CHST9: variants seen among roughly 807,000 people sequenced by gnomAD.
CHST9 encodes the protein carbohydrate sulfotransferase 9.
CHST9 carries 41 observed loss-of-function variants against 44.4 expected under a neutral mutation model. The ratio of observed to expected loss-of-function variants is 0.92; its 90% CI spans 0.72 to 1.20. The LOEUF (loss-of-function observed/expected upper bound fraction) is 1.20. Among genes scored for constraint, CHST9 ranks in the 50% most tolerant of loss-of-function variants. The pLI is 0.00. For synonymous variants in CHST9, 171 were observed against 178.4 expected (o/e 0.96, Z 0.33); for missense variants, 504 against 516.5 (o/e 0.98, Z 0.23).
chr18:26,911,194 T>C lies in CHST9; in HGVS notation c.*5065A>G, dbSNP rs1311459896. On this transcript the variant is annotated 3_prime_UTR_variant, in exon 6 of 6. Coordinates refer to ENST00000618847, the MANE Select transcript of CHST9 (RefSeq NM_031422.6). ...CTAAAAGAAGTTGTACAGGAACCTT[T>C]AAACAACAGCATCAAAAGCATCTGT... 6.6e-6 allele frequency: 1 copy of C among 152,200 alleles called. No individual in the cohort carries two copies. Among genetic ancestry groups the C allele is most frequent in the East Asian group, 1.9e-4 (1 of 5,194 alleles). 9.4% of individuals were successfully genotyped at this position (152,200 alleles called of 1,614,324 possible).
At chr18:27,166,124 G>A (rs991556655) in intron 1 of CHST9, among the ~76,000 whole-genome samples, 3 of 151,550 alleles carry the variant, frequency 2.0e-5, no homozygotes, top group African/African-American at 7.3e-5. Context: ...TCTCTGCTTC[G>A]TCCTCCAAAA....
At chr18:27,046,644 G>A (rs2057503824) in intron 3 of CHST9, among the ~76,000 whole-genome samples, 2 of 152,018 alleles carry the variant, frequency 1.3e-5, no homozygotes, top group Admixed American at 6.6e-5. Flanking sequence ...ATTCAGGCCA[G>A]TACCACAGAC....
At chr18:27,080,841 C>G (rs1311419358) in intron 2 of CHST9, among the ~76,000 whole-genome samples, 1 of 152,166 alleles carries the variant, frequency 6.6e-6, no homozygotes, top group Non-Finnish European at 1.5e-5. Flanking sequence ...CATAAATACC[C>G]AAGGGAATGG....
chr18:27,086,239 G>C (rs1039185317), intron 2 of CHST9, among the ~76,000 whole-genome samples: 2 of 152,076 alleles, frequency 1.3e-5, no homozygotes, highest in African/African-American at 4.8e-5. Context: ...TAACAAACCT[G>C]CACATGTAAC....
chr18:27,154,048 C>G (rs1368571429), intron 1 of CHST9, among the ~76,000 whole-genome samples: 1 of 152,250 alleles, frequency 6.6e-6, no homozygotes, highest in East Asian at 1.9e-4. Context: ...TGGACCCCAA[C>G]TAGACCCACC....
At chr18:27,139,906 A>G (rs1193773459) in intron 2 of CHST9, among the ~76,000 whole-genome samples, 1 of 152,132 alleles carries the variant, frequency 6.6e-6, no homozygotes. Context: ...TTAATTTACC[A>G]ATTTCAGTGA....
intron 1 of CHST9, among the ~76,000 whole-genome samples, chr18:27,143,908 A>G (rs765650543): frequency 6.6e-6 from 1 of 152,196 alleles, no homozygotes; most frequent in Non-Finnish European, 1.5e-5. Context: ...ATGTATACCT[A>G]TGTAACAAAC....
chr18:26,963,965 GA>G (rs1385155476), intron 4 of CHST9, among the ~76,000 whole-genome samples: 1 of 152,122 alleles, frequency 6.6e-6, no homozygotes, highest in African/African-American at 2.4e-5. Flanking sequence ...CCTTAAGAAG[GA>G]AAGAAAAAGT....
At chr18:26,965,854 A>G (rs2056458153) in intron 4 of CHST9, among the ~76,000 whole-genome samples, 1 of 152,196 alleles carries the variant, frequency 6.6e-6, no homozygotes, top group East Asian at 1.9e-4. Flanking sequence ...GGACTCAGGA[A>G]GAAAACATCT....
chr18:27,022,342 C>CT (rs1688776738), intron 4 of CHST9, among the ~76,000 whole-genome samples: 1 of 152,100 alleles, frequency 6.6e-6, no homozygotes, highest in African/African-American at 2.4e-5. Flanking sequence ...CCCACTCATC[C>CT]TTTTCTCCTG....
chr18:27,069,236 G>A (rs2057813611), intron 2 of CHST9, among the ~76,000 whole-genome samples: 2 of 151,954 alleles, frequency 1.3e-5, no homozygotes, highest in Non-Finnish European at 2.9e-5. Flanking sequence ...CTAACTTTTG[G>A]ACCACCAGTT....
chr18:27,103,211 C>T (rs73404899), intron 2 of CHST9, among the ~76,000 whole-genome samples: 3,454 of 152,192 alleles, frequency 0.023, 116 homozygotes, highest in African/African-American at 0.077. Context: ...GTGGTTGATT[C>T]AAGATGACAT....
At chr18:27,058,690 C>G (rs544129950) in intron 2 of CHST9, among the ~76,000 whole-genome samples, 4 of 152,114 alleles carry the variant, frequency 2.6e-5, no homozygotes, top group Non-Finnish European at 2.9e-5. Context: ...TCCAGCCATC[C>G]CAACCCAGGG....
intron 1 of CHST9, among the ~76,000 whole-genome samples, chr18:27,169,877 G>C (rs1273490954): frequency 1.3e-5 from 2 of 152,098 alleles, no homozygotes. Context: ...AAAGTGCTGG[G>C]ATTACAGGCG....
chr18:26,957,588 A>G (rs1363483145), intron 4 of CHST9, among the ~76,000 whole-genome samples: 1 of 151,808 alleles, frequency 6.6e-6, no homozygotes, highest in Non-Finnish European at 1.5e-5. Context: ...AAAATAGCCA[A>G]GCATCAGATC....
chr18:27,024,539 A>G (rs1156285186), intron 3 of CHST9, among the ~76,000 whole-genome samples: 13 of 152,222 alleles, frequency 8.5e-5, no homozygotes, highest in Admixed American at 2.0e-4. Flanking sequence ...GTGCTAATAT[A>G]CAATAATATT....
chr18:27,124,672 T>C (rs2058404927), intron 2 of CHST9, among the ~76,000 whole-genome samples: 1 of 152,200 alleles, frequency 6.6e-6, no homozygotes, highest in African/African-American at 2.4e-5. Context: ...GTTATAACTT[T>C]TCCCTTAGCT....
chr18:26,923,331 T>C (rs1758019356), intron 5 of CHST9, among the ~76,000 whole-genome samples: 1 of 152,214 alleles, frequency 6.6e-6, no homozygotes, highest in Admixed American at 6.5e-5. Flanking sequence ...TCTAGGTAGT[T>C]GTTAGGGTTA....
chr18:27,087,336 A>G (rs981397042), intron 2 of CHST9, among the ~76,000 whole-genome samples: 9 of 152,176 alleles, frequency 5.9e-5, no homozygotes, highest in Admixed American at 2.0e-4. Context: ...AGTATCTGTG[A>G]CTTTCAGTGC....
Sources: allele counts gnomAD v4.1 joint callset (sites outside exome capture counted in the v4.1 genomes callset), GRCh38; gene constraint gnomAD v4.1.1; transcripts MANE v1.5; gene names NCBI Gene and HGNC (gene_info 2026-07-23, HGNC 2026-07-21).